Variants in DOCK5 observed in about 807,000 individuals in gnomAD.
DOCK5 encodes dedicator of cytokinesis 5.
DOCK5 carries 142 observed loss-of-function variants against 251.8 expected under a neutral mutation model. The ratio of observed to expected loss-of-function variants is 0.56; its 90% CI spans 0.49 to 0.65. The LOEUF (loss-of-function observed/expected upper bound fraction) is 0.65. Ranked by LOEUF, DOCK5 falls within the 30% of genes least tolerant of loss-of-function variation. The probability of loss-of-function intolerance (pLI) is 0.00; values close to 1 mark genes in which losing one functional copy is unlikely to be tolerated. For synonymous variants in DOCK5, 842 were observed against 835.5 expected (o/e 1.01, Z -0.13); for missense variants, 2,111 against 2,312.3 (o/e 0.91, Z 1.79).
At chr8:25,342,075 C>T (rs1805968266) in intron 24 of DOCK5, among the ~76,000 whole-genome samples, 1 of 152,146 alleles carries the variant, frequency 6.6e-6, no homozygotes, top group Non-Finnish European at 1.5e-5. Flanking sequence ...AGCCCTACCC[C>T]TAAGTATCCC....
At chr8:25,258,021 A>G (rs1803465784) in intron 2 of DOCK5, among the ~76,000 whole-genome samples, 1 of 152,148 alleles carries the variant, frequency 6.6e-6, no homozygotes, top group Non-Finnish European at 1.5e-5. Flanking sequence ...AAGAAAAACC[A>G]CATCCAGAAA....
rs73556378 is a variant in DOCK5, at chr8:25,192,803, C to T, written c.43+7852C>T. 5.1e-3 allele frequency among the ~76,000 whole-genome samples: 775 copies of T among 152,336 alleles called. 1 individual carries two copies. Among genetic ancestry groups the T allele is most frequent in the African/African-American group, 0.018 (731 of 41,566 alleles). The stretch of plus-strand genomic sequence containing the variant: ...TTGGGATTACAGGCGCCAGCTACCA[C>T]GCTCAGCCTATACTATTTTCTATGT... On this transcript the variant is annotated intron_variant, in intron 1 of 51. Transcript: ENST00000276440.
In DOCK5 at chr8:25,304,321, T is replaced by G. The variant is rs773762095; in HGVS notation, c.1043T>G (p.Phe348Cys). 9 of 1,608,460 alleles carry G rather than the reference T, an allele frequency of 5.6e-6. No homozygotes were observed. The highest frequency in any genetic ancestry group is 7.6e-6 in the Non-Finnish European group (9 of 1,177,536). The change falls in exon 11 of 52, where the codon TTT (phenylalanine) becomes TGT (cysteine). Residue 348 changes from phenylalanine to cysteine, a missense_variant. This residue lies in a region of DOCK5 where 1,717 missense variants were observed against 1,892.4 expected (regional missense o/e 0.91). Transcript: ENST00000276440. ...GAAGAAAAGCAGCATTTTATTCCCT[T>G]TCAGCAGTAAGTACTTTGGCATGTG... ...DDEEKQHFIP[F>C]QQIAMETYIR...
intron 6 of DOCK5, among the ~76,000 whole-genome samples, chr8:25,293,422 C>A (rs1468514364): frequency 6.6e-6 from 1 of 152,184 alleles, no homozygotes; most frequent in Admixed American, 6.6e-5. Flanking sequence ...ATGTACATTT[C>A]ATATACATTA....
rs959775425 is a variant in DOCK5, at chr8:25,366,880, A to C, written c.3134A>C (p.Asn1045Thr). Reference protein sequence around the residue: ...QASFELQLWNNYFHLAVAFLT... With the variant: ...QASFELQLWNTYFHLAVAFLT... ...ATTAATTTTGAACAGCTCTGGAACAATTACTTCCATTTGGCAGTTGCATTT... is the reference window on the plus strand; with the variant it reads ...ATTAATTTTGAACAGCTCTGGAACACTTACTTCCATTTGGCAGTTGCATTT... Residue 1045 changes from asparagine (N) to threonine (T), a missense_variant, in exon 31 of 52, where the codon AAT becomes ACT. Coordinates refer to ENST00000276440, the MANE Select transcript of DOCK5 (RefSeq NM_024940.8). 6.2e-7 allele frequency: 1 copy of C among 1,613,700 alleles called. No homozygotes were observed. Among genetic ancestry groups the C allele is most frequent in the Non-Finnish European group, 8.5e-7 (1 of 1,179,734 alleles).
intron 26 of DOCK5, among the ~76,000 whole-genome samples, chr8:25,347,519 C>A (rs1455156666): frequency 6.6e-6 from 1 of 152,166 alleles, no homozygotes; most frequent in Non-Finnish European, 1.5e-5. Context: ...GTAAATGTGA[C>A]CAATCACGTC....
intron 2 of DOCK5, among the ~76,000 whole-genome samples, chr8:25,246,755 T>TGTGTG (rs1803127886): frequency 9.0e-6 from 1 of 110,594 alleles, no homozygotes; most frequent in African/African-American, 3.6e-5. Flanking sequence ...TGTGTGTGTG[T>TGTGTG]GGCGGGGGCG....
intron 37 of DOCK5, chr8:25,376,243 G>A (rs1800961562): frequency 1.0e-6 from 1 of 985,210 alleles, no homozygotes; most frequent in African/African-American, 1.7e-5. Flanking sequence ...AACTCAGGAA[G>A]GTAAACTCTC....
At chr8:25,215,094 T>C (rs1356861548) in intron 1 of DOCK5, among the ~76,000 whole-genome samples, 1 of 152,132 alleles carries the variant, frequency 6.6e-6, no homozygotes, top group Non-Finnish European at 1.5e-5. Context: ...GCTGGGGGAA[T>C]CCTGGACTCC....
At chr8:25,318,592 CTT>C (rs546657586) in intron 14 of DOCK5, among the ~76,000 whole-genome samples, 65,114 of 88,008 alleles carry the variant, frequency 0.74, 24,117 homozygotes, top group Non-Finnish European at 0.77. Flanking sequence ...TTCTTTCCTT[CTT>C]TTTTTTTTTT....
At chr8:25,374,818 T>C (rs1338642611) in intron 37 of DOCK5, 164 bp downstream of exon 37, 3 of 1,504,926 alleles carry the variant, frequency 2.0e-6, no homozygotes, top group Non-Finnish European at 2.7e-6. Flanking sequence ...AATTTGTAGA[T>C]CAAGTATGGG....
chr8:25,204,401 T>C (rs1801949907), intron 1 of DOCK5, among the ~76,000 whole-genome samples: 1 of 152,178 alleles, frequency 6.6e-6, no homozygotes, highest in Admixed American at 6.5e-5. Context: ...GTGGCTTGAC[T>C]CTCTTTAGCT....
chr8:25,322,811 G>A (rs191264513), intron 16 of DOCK5, among the ~76,000 whole-genome samples: 6 of 152,290 alleles, frequency 3.9e-5, no homozygotes, highest in Admixed American at 2.6e-4. Flanking sequence ...GGCTGGAGCC[G>A]GATCATGAAG....
In DOCK5 at chr8:25,368,354, T is replaced by C. The variant is rs1800815176; in HGVS notation, c.3283+104T>C. The C allele has an allele frequency of 5.8e-6, 7 of 1,210,354 alleles. No homozygotes were observed. In the South Asian group the frequency reaches 1.0e-4, roughly 17 times the overall value. 75.0% of individuals were successfully genotyped at this position (1,210,354 alleles called of 1,614,324 possible). On this transcript the variant is annotated intron_variant, in intron 32 of 51. Coordinates refer to ENST00000276440, the MANE Select transcript of DOCK5 (RefSeq NM_024940.8). ...TAATCCAGATAACCCTGAGATGTAT[T>C]TGTCTGTGTGTCTGGAAGTGAAAGT... is the stretch of plus-strand genomic sequence containing the variant.
intron 26 of DOCK5, among the ~76,000 whole-genome samples, chr8:25,346,040 C>T (rs929129968): frequency 4.6e-5 from 7 of 152,114 alleles, no homozygotes; most frequent in African/African-American, 1.2e-4. Flanking sequence ...TTAGTAGAGA[C>T]GGGGTTTCAC....
In DOCK5 at chr8:25,296,610, G is replaced by T; in HGVS notation, c.568G>T (p.Ala190Ser). The change falls in exon 7 of 52, where the codon GCC becomes TCC. Residue 190 changes from alanine (A) to serine (S), a missense_variant. By Grantham distance (99) the Ala-to-Ser change is moderately conservative. Coordinates refer to ENST00000276440, the MANE Select transcript of DOCK5 (RefSeq NM_024940.8). Reference sequence around the variant, plus strand: ...TGCCCTCTTCAAGGCCCATGAGGTGGCCTCCAAAAGGATTGAGGAAAAGAT... The same window carrying T: ...TGCCCTCTTCAAGGCCCATGAGGTGTCCTCCAAAAGGATTGAGGAAAAGAT... ...TIALFKAHEV[A>S]SKRIEEKIQE... 6.2e-7 allele frequency: 1 copy of T among 1,612,546 alleles called. No homozygotes were observed. The highest frequency in any genetic ancestry group is 1.1e-5 in the South Asian group (1 of 90,630).
rs1038612872 is a variant in DOCK5 at position 25,373,670 on chromosome 8, G to A, written c.3725+12G>A. 13 of 1,584,672 alleles carry A rather than the reference G, an allele frequency of 8.2e-6. No homozygotes were observed. The highest frequency in any genetic ancestry group is 1.1e-5 in the Non-Finnish European group (13 of 1,165,938). Reference sequence around the variant, plus strand: ...GACATATACATAAGGTAAGCTGAAGGAAATTTCTTGCTTCTGCTGTTTATT... The same window carrying A: ...GACATATACATAAGGTAAGCTGAAGAAAATTTCTTGCTTCTGCTGTTTATT... On this transcript the variant is annotated intron_variant, in intron 36 of 51. Coordinates refer to ENST00000276440, the MANE Select transcript of DOCK5 (RefSeq NM_024940.8).
chr8:25,190,237 A>G (rs973020570), intron 1 of DOCK5, among the ~76,000 whole-genome samples: 1 of 152,230 alleles, frequency 6.6e-6, no homozygotes, highest in African/African-American at 2.4e-5. Context: ...AAGTCACTGT[A>G]GAAATAAAAA....
intron 27 of DOCK5, among the ~76,000 whole-genome samples, chr8:25,352,580 G>A (rs768616842): frequency 3.3e-5 from 5 of 152,030 alleles, no homozygotes; most frequent in African/African-American, 9.7e-5. Context: ...TATTAAAATC[G>A]AATTAGATTT....
Sources: gnomAD v4.1 joint callset for allele counts (sites outside exome capture counted in the v4.1 genomes callset) on GRCh38, gnomAD v4.1.1 for gene constraint, gnomAD v4.1.1 regional missense constraint, MANE v1.5 for transcripts, NCBI Gene and HGNC (gene_info 2026-07-23, HGNC 2026-07-21) for gene names.